PLA2G4B: variants seen among roughly 807,000 people sequenced by gnomAD.
PLA2G4B encodes the protein cytosolic phospholipase A2 beta.
PLA2G4B carries 122 observed loss-of-function variants against 95.8 expected under a neutral mutation model. The observed-to-expected ratio is 1.27, with a 90% confidence interval of 1.10 to 1.48. The LOEUF (loss-of-function observed/expected upper bound fraction) is 1.48. Among genes scored for constraint, PLA2G4B ranks in the 40% most tolerant of loss-of-function variants. The probability of loss-of-function intolerance (pLI) is 0.00; values close to 1 mark genes in which losing one functional copy is unlikely to be tolerated. For synonymous variants in PLA2G4B, 518 were observed against 421.5 expected (o/e 1.23, Z -2.80); for missense variants, 1,158 against 996.2 (o/e 1.16, Z -2.19).
intron 18 of PLA2G4B, 21 bp downstream of exon 18, chr15:41,846,856 C>T (rs748583489): frequency 1.3e-6 from 2 of 1,592,898 alleles, no homozygotes; most frequent in South Asian, 1.1e-5. Context: ...GTGGGCAGCC[C>T]ACCAGGGAGG....
Position 41,847,422 on chromosome 15 carries a change from C to T in PLA2G4B, c.2033C>T (p.Pro678Leu). Residue 678 changes from proline (P) to leucine (L), a missense_variant, in exon 19 of 20, where the codon CCT becomes CTT. Pro to Leu is a moderately conservative substitution (Grantham distance 98). Coordinates refer to ENST00000458483, the MANE Select transcript of PLA2G4B (RefSeq NM_001114633.2). ...ISPSPEEQLQ[P>L]RECHTFSDPT... The stretch of plus-strand genomic sequence containing the variant: ...CCCAGCCCCGAAGAGCAGCTCCAGC[C>T]TCGGGAGTGCCACACCTTCTCCGAC... 1 of 1,613,462 alleles carries T rather than the reference C, an allele frequency of 6.2e-7. No homozygotes were observed. Among genetic ancestry groups the T allele is most frequent in the Non-Finnish European group, 8.5e-7 (1 of 1,179,934 alleles).
chr15:41,845,457 A>G, intron 14 of PLA2G4B, 137 bp downstream of exon 14: 1 of 1,441,470 alleles, frequency 6.9e-7, no homozygotes, highest in South Asian at 1.3e-5. Context: ...CCGGCACCCT[A>G]CCAGGGTCCC....
At chr15:41,840,462 AGTGG>A in intron 2 of PLA2G4B, 58 bp from the exon 3 acceptor site, 1 of 1,610,478 alleles carries the variant, frequency 6.2e-7, no homozygotes, top group Non-Finnish European at 8.5e-7. Flanking sequence ...GATGGAAGGA[AGTGG>A]GTCTGGGCGG....
intron 10 of PLA2G4B, 62 bp from the exon 11 acceptor site, chr15:41,843,614 C>T (rs1188173828): frequency 2.5e-6 from 4 of 1,580,752 alleles, no homozygotes; most frequent in African/African-American, 2.7e-5. Flanking sequence ...GAGGCAGACC[C>T]AGCTTTCCAT....
At chr15:41,838,997 A>T in intron 1 of PLA2G4B, 75 bp downstream of exon 1, 1 of 1,263,776 alleles carries the variant, frequency 7.9e-7, no homozygotes, top group Non-Finnish European at 1.1e-6. Flanking sequence ...TATGTTTCTT[A>T]TGGGAGCTGT....
chr15:41,841,322 C>T, intron 6 of PLA2G4B, 49 bp downstream of exon 6: 2 of 1,611,422 alleles, frequency 1.2e-6, no homozygotes, highest in Admixed American at 1.7e-5. Flanking sequence ...CCGGGACTCC[C>T]TCATGCCAGC....
chr15:41,843,742 G>A lies in PLA2G4B; in HGVS notation c.810G>A (p.Arg270=), dbSNP rs1464382299. 4 of 1,614,006 alleles carry A rather than the reference G, an allele frequency of 2.5e-6. No individual in the cohort carries two copies. Among genetic ancestry groups the A allele is most frequent in the Non-Finnish European group, 3.4e-6 (4 of 1,180,030 alleles). Residue 270 remains arginine (R), a synonymous_variant, in exon 11 of 20, where the codon AGG becomes AGA. Transcript: ENST00000458483. The part of the protein sequence containing the change: ...PCAEEQAFLS[R]RKQVVAAALR... The stretch of plus-strand genomic sequence containing the variant: ...CAGAGGAGCAGGCCTTCCTGAGCAG[G>A]AGGAAGCAGGTGGTGGCCGCGGCCT...
rs2065517698 is a variant in PLA2G4B, at chr15:41,845,286, CA to C, written c.1326del (p.Gln444ArgfsTer3). Reference protein sequence around the residue: ...PLPIYCALNTKGQSLTTFEFG... With the variant: ...PLPIYCALNTXGQSLTTFEFG... ...TGCCCATCTACTGTGCCCTCAACAC[CA>C]AAGGGCAGAGCCTGACCACTTTTGA... On this transcript the variant is annotated frameshift_variant, in exon 14 of 20. Coordinates refer to ENST00000458483, the MANE Select transcript of PLA2G4B (RefSeq NM_001114633.2). LOFTEE classifies it high-confidence loss of function. The C allele has an allele frequency of 6.2e-7, 1 of 1,614,202 alleles. No homozygotes were observed. The highest frequency in any genetic ancestry group is 2.2e-5 in the East Asian group (1 of 44,888).
chr15:41,841,249 G>A lies in PLA2G4B; in HGVS notation c.411G>A (p.Trp137Ter), dbSNP rs1294335532. 1 of 1,613,530 alleles carries A rather than the reference G, an allele frequency of 6.2e-7. No individual in the cohort carries two copies. The highest frequency in any genetic ancestry group is 1.7e-5 in the Admixed American group (1 of 60,018). The change falls in exon 6 of 20, where the codon TGG (tryptophan) becomes TGA (stop). Residue 137 changes from tryptophan (W) to a stop codon, truncating the protein, a stop_gained. Transcript: ENST00000458483. LOFTEE classifies it high-confidence loss of function. ...RLQSLADRGE[W>*]LVSNGVLVAR... ...TTTCCAGGGCTGACCGTGGCGAGTG[G>A]CTCGTCAGCAATGGCGTTCTGGTGG...
rs770928644 is a variant in PLA2G4B at position 41,844,527 on chromosome 15, G to C, written c.936G>C (p.Leu312=). ...GTGGGATCCGGGCAATGACTTCCCT[G>C]TATGGGCAGCTGGCTGGCCTGAAGG... ...TGGGIRAMTS[L]YGQLAGLKEL... is the part of the protein sequence containing the mutation. The change falls in exon 12 of 20, where the codon CTG becomes CTC. Residue 312 remains leucine (L), a synonymous_variant. Coordinates refer to ENST00000458483, the MANE Select transcript of PLA2G4B (RefSeq NM_001114633.2). 10 of 1,614,030 alleles carry C rather than the reference G, an allele frequency of 6.2e-6. No homozygotes were observed. The East Asian group carries it at 1.8e-4, about 29-fold the overall frequency.
At chr15:41,842,336 A>G (rs766301225) in intron 9 of PLA2G4B, 60 bp downstream of exon 9, 138 of 1,603,216 alleles carry the variant, frequency 8.6e-5, no homozygotes, top group Non-Finnish European at 1.1e-4. Context: ...CCAGGCCACA[A>G]AGGGAGGGGC....
rs745428997 is a variant in PLA2G4B, at chr15:41,846,827, G to A, written c.1939G>A (p.Ala647Thr). 3.1e-6 allele frequency: 5 copies of A among 1,610,874 alleles called. No individual in the cohort carries two copies. The South Asian group carries it at 5.5e-5, about 18-fold the overall frequency. The change falls in exon 18 of 20, where the codon GCC becomes ACC. Residue 647 changes from alanine (A) to threonine (T), a missense_variant. By Grantham distance (58) the Ala-to-Thr change is moderately conservative. Coordinates refer to ENST00000458483, the MANE Select transcript of PLA2G4B (RefSeq NM_001114633.2). ...GTCATTGGACTACAACCTCCACGGAGCCTTCCAGGTTGGGAAGGGTGGGCA... is the reference window on the plus strand; with the variant it reads ...GTCATTGGACTACAACCTCCACGGAACCTTCCAGGTTGGGAAGGGTGGGCA... ...ILSLDYNLHG[A>T]FQQLQLLGRF...
At chr15:41,842,144 G>T (rs2065443767) in intron 8 of PLA2G4B, 49 bp from the exon 9 acceptor site, 2 of 1,607,928 alleles carry the variant, frequency 1.2e-6, no homozygotes, top group South Asian at 1.1e-5. Flanking sequence ...GTCTTTGCTA[G>T]GAGTGGAAGC....
At chr15:41,841,783 C>A (rs754454742) in intron 7 of PLA2G4B, 36 bp from the exon 8 acceptor site, 3 of 1,604,842 alleles carry the variant, frequency 1.9e-6, no homozygotes, top group Admixed American at 3.4e-5. Context: ...GCAGAGATAC[C>A]GTCCCCAGCC....
Position 41,847,496 on chromosome 15 carries a change from G to C in PLA2G4B, c.2107G>C (p.Asp703His), listed in dbSNP as rs146916493. 6.2e-7 allele frequency: 1 copy of C among 1,608,858 alleles called. No homozygotes were observed. The highest frequency in any genetic ancestry group is 1.7e-5 in the Admixed American group (1 of 59,856). Residue 703 changes from aspartate (D) to histidine (H), a missense_variant, in exon 19 of 20, where the codon GAC becomes CAC. Asp to His is a moderately conservative substitution (Grantham distance 81, BLOSUM62 -1). Coordinates refer to ENST00000458483, the MANE Select transcript of PLA2G4B (RefSeq NM_001114633.2). ...GGTGCTGCACTTTCCTCTGGTCAGC[G>C]ACTCCTTCCGGGAGTACTCGGCCCC... ...PAVLHFPLVS[D>H]SFREYSAPGV... is the part of the protein sequence containing the mutation.
At chr15:41,847,134 T>G (rs891803563) in intron 18 of PLA2G4B, among the ~76,000 whole-genome samples, 6 of 151,950 alleles carry the variant, frequency 3.9e-5, no homozygotes, top group Non-Finnish European at 8.8e-5. Flanking sequence ...ATGCTGGGAG[T>G]AACCCGGCTC....
intron 1 of PLA2G4B, chr15:41,839,891 A>G (rs1388376375): frequency 2.3e-6 from 1 of 439,494 alleles, no homozygotes; most frequent in Non-Finnish European, 4.1e-6. Flanking sequence ...CGTAAATAGT[A>G]TCTGTGCATA....
chr15:41,847,861 T>C lies in PLA2G4B; in HGVS notation c.*1T>C. Reference sequence around the variant, plus strand: ...GAGGCGGCAGCGCAGGCCCCACTGATGGCCGGGGCCCCTGCCACCCCTAAC... The same window carrying C: ...GAGGCGGCAGCGCAGGCCCCACTGACGGCCGGGGCCCCTGCCACCCCTAAC... On this transcript the variant is annotated 3_prime_UTR_variant, in exon 20 of 20. Coordinates refer to ENST00000458483, the MANE Select transcript of PLA2G4B (RefSeq NM_001114633.2). 6.2e-7 allele frequency: 1 copy of C among 1,611,694 alleles called. No individual in the cohort carries two copies. Among genetic ancestry groups the C allele is most frequent in the Non-Finnish European group, 8.5e-7 (1 of 1,179,488 alleles).
chr15:41,845,810 G>A (rs771849429), intron 15 of PLA2G4B, 35 bp downstream of exon 15: 20 of 1,563,500 alleles, frequency 1.3e-5, no homozygotes, highest in African/African-American at 2.7e-5. Context: ...AAGCTGGGCC[G>A]AGCAGGGAAA....
Sources: gnomAD v4.1 joint callset for allele counts (sites outside exome capture counted in the v4.1 genomes callset) on GRCh38, gnomAD v4.1.1 for gene constraint, MANE v1.5 for transcripts, NCBI Gene and HGNC (gene_info 2026-07-23, HGNC 2026-07-21) for gene names.